The following LGR5 variants were observed in gnomAD, a reference collection of about 807,000 sequenced individuals.
LGR5 encodes the protein leucine rich repeat containing G protein-coupled receptor 5.
In LGR5, 54 loss-of-function variants were observed where a neutral mutation model predicts 76.7. The ratio of observed to expected loss-of-function variants is 0.70; its 90% CI spans 0.57 to 0.88. LGR5 has a LOEUF of 0.88. Among genes scored for constraint, LGR5 ranks in the 40% least tolerant of loss-of-function variants. The pLI is 0.00. For synonymous variants in LGR5, 406 were observed against 421.9 expected (o/e 0.96, Z 0.46); for missense variants, 1,078 against 1,073.3 (o/e 1.00, Z -0.06).
chr12:71,559,694 T>C (rs965722015), intron 7 of LGR5, 40 bp downstream of exon 7: 4 of 1,050,522 alleles, frequency 3.8e-6, no homozygotes, highest in Non-Finnish European at 5.8e-6. Context: ...AACTTTATCC[T>C]TTTGTGAATT....
At chr12:71,517,361 G>A (rs1056806100) in intron 2 of LGR5, among the ~76,000 whole-genome samples, 1 of 152,180 alleles carries the variant, frequency 6.6e-6, no homozygotes, top group Non-Finnish European at 1.5e-5. Context: ...TGGTTCCACA[G>A]GTTAGTTCTG....
intron 1 of LGR5, among the ~76,000 whole-genome samples, chr12:71,499,787 CTT>C (rs1874510181): frequency 6.6e-6 from 1 of 152,130 alleles, no homozygotes; most frequent in South Asian, 2.1e-4. Flanking sequence ...AGGGAGCCCT[CTT>C]TTAATTCATC....
intron 1 of LGR5, among the ~76,000 whole-genome samples, chr12:71,490,239 T>G (rs1874009921): frequency 6.6e-6 from 1 of 152,246 alleles, no homozygotes; most frequent in Admixed American, 6.5e-5. Flanking sequence ...ACTTAAACTG[T>G]GAAAGAGTTC....
At chr12:71,530,395 A>C (rs554558135) in intron 3 of LGR5, among the ~76,000 whole-genome samples, 155 of 152,288 alleles carry the variant, frequency 1.0e-3, no homozygotes, top group Middle Eastern at 3.4e-3. Context: ...TGAGAAAGAT[A>C]ATGTGAGAGT....
intron 1 of LGR5, among the ~76,000 whole-genome samples, chr12:71,456,758 G>T (rs1462107449): frequency 6.6e-6 from 1 of 152,166 alleles, no homozygotes; most frequent in Non-Finnish European, 1.5e-5. Context: ...AATCATTTCA[G>T]AGCTTTTTAG....
chr12:71,582,564 C>T, intron 17 of LGR5, 25 bp downstream of exon 17: 3 of 1,531,916 alleles, frequency 2.0e-6, no homozygotes, highest in Non-Finnish European at 2.7e-6. Context: ...AAAAATTCCT[C>T]AACGGCAGTA....
chr12:71,535,001 G>A lies in LGR5; in HGVS notation c.357-114G>A, dbSNP rs1291571363. ...GGAATTTCAGCTCCCCAAAAGACAA[G>A]ACTTTGTCTGATGCTCTGTTGTTTT... On this transcript the variant is annotated intron_variant, in intron 3 of 17. Coordinates refer to ENST00000266674, the MANE Select transcript of LGR5 (RefSeq NM_003667.4). 3 of 631,248 alleles carry A rather than the reference G, an allele frequency of 4.8e-6. No individual in the cohort carries two copies. In the Admixed American group the frequency reaches 8.8e-5, roughly 18 times the overall value. The allele number at this position is 631,248 out of a possible 1,614,324, so 39.1% of individuals were successfully genotyped here. A position where few individuals can be genotyped will look rare whatever the true frequency, so the allele number is the denominator to read the frequency against.
intron 11 of LGR5, among the ~76,000 whole-genome samples, chr12:71,570,763 T>C (rs1053338361): frequency 5.3e-5 from 8 of 152,208 alleles, no homozygotes; most frequent in African/African-American, 1.7e-4. Context: ...TGAAGCCCCT[T>C]AGAAAAAGTA....
chr12:71,574,711 T>C (rs1404626449), intron 13 of LGR5, among the ~76,000 whole-genome samples: 1 of 152,130 alleles, frequency 6.6e-6, no homozygotes, highest in African/African-American at 2.4e-5. Flanking sequence ...CTCAGCACAC[T>C]CCAGGTCCCT....
intron 5 of LGR5, among the ~76,000 whole-genome samples, chr12:71,555,326 C>T (rs1877704001): frequency 6.6e-6 from 1 of 152,090 alleles, no homozygotes; most frequent in Non-Finnish European, 1.5e-5. Context: ...TACACAGATC[C>T]AGCTGTACTT....
At chr12:71,583,117 CAG>C (rs1879164392) in intron 17 of LGR5, among the ~76,000 whole-genome samples, 2 of 151,722 alleles carry the variant, frequency 1.3e-5, no homozygotes, top group Non-Finnish European at 2.9e-5. Context: ...CAGGATGAGC[CAG>C]TTGAAAAAAA....
chr12:71,439,602 C>G (rs1592443345), upstream of LGR5, among the ~76,000 whole-genome samples: 1 of 151,822 alleles, frequency 6.6e-6, no homozygotes, highest in Non-Finnish European at 1.5e-5. Context: ...GTGGGAGCGC[C>G]GAGAACTCGC....
At chr12:71,454,134 A>T (rs926203832) in intron 1 of LGR5, among the ~76,000 whole-genome samples, 6 of 152,116 alleles carry the variant, frequency 3.9e-5, no homozygotes, top group Non-Finnish European at 2.9e-5. Flanking sequence ...GTCTCTGCAG[A>T]TGTTCTGTAC....
intron 1 of LGR5, among the ~76,000 whole-genome samples, chr12:71,502,663 GT>G (rs1409873753): frequency 6.6e-6 from 1 of 152,198 alleles, no homozygotes; most frequent in Non-Finnish European, 1.5e-5. Context: ...AAATAGGAAA[GT>G]CTAGGTTCCC....
chr12:71,486,927 T>G (rs1183787815), intron 1 of LGR5, among the ~76,000 whole-genome samples: 1 of 152,206 alleles, frequency 6.6e-6, no homozygotes, highest in Non-Finnish European at 1.5e-5. Flanking sequence ...TGAGGGCCAC[T>G]TCATGTACAA....
intron 1 of LGR5, among the ~76,000 whole-genome samples, chr12:71,499,249 G>A (rs1874484186): frequency 1.3e-5 from 2 of 152,064 alleles, no homozygotes; most frequent in South Asian, 4.1e-4. Context: ...CTTTGATACA[G>A]GATATATCAA....
chr12:71,573,760 T>G (rs571987111), intron 13 of LGR5, among the ~76,000 whole-genome samples: 13 of 152,202 alleles, frequency 8.5e-5, no homozygotes, highest in East Asian at 1.9e-4. Context: ...GACTTTAAAT[T>G]TACTTTTAAG....
At chr12:71,546,586 C>T (rs758040799) in intron 4 of LGR5, among the ~76,000 whole-genome samples, 2 of 152,086 alleles carry the variant, frequency 1.3e-5, no homozygotes, top group Non-Finnish European at 2.9e-5. Context: ...TTTAACATCT[C>T]TCATAGTAGG....
intron 8 of LGR5, among the ~76,000 whole-genome samples, chr12:71,563,967 G>A (rs1014518281): frequency 2.8e-5 from 1 of 36,148 alleles, no homozygotes; most frequent in African/African-American, 5.3e-5. Flanking sequence ...ATACGTATCT[G>A]TACACACGCA....
Sources: allele counts gnomAD v4.1 joint callset (sites outside exome capture counted in the v4.1 genomes callset), GRCh38; gene constraint gnomAD v4.1.1; transcripts MANE v1.5; gene names NCBI Gene and HGNC (gene_info 2026-07-23, HGNC 2026-07-21).